PALM2AKAP2: variants seen among roughly 807,000 people sequenced by gnomAD.
PALM2AKAP2 encodes the protein PALM2 and AKAP2 fusion.
In PALM2AKAP2, 37 loss-of-function variants were observed where a neutral mutation model predicts 71.5. That is an observed-to-expected ratio of 0.52 (90% CI 0.40 to 0.68). The LOEUF is 0.68. Ranked by LOEUF, PALM2AKAP2 falls within the 30% of genes least tolerant of loss-of-function variation. The probability of loss-of-function intolerance (pLI) is 0.00; values close to 1 mark genes in which losing one functional copy is unlikely to be tolerated. For missense variants in PALM2AKAP2, 1,224 were observed against 1,191.8 expected (o/e 1.03, Z -0.40); for synonymous variants, 468 against 478.8 (o/e 0.98, Z 0.29).
chr9:109,943,950 G>A (rs539267477), intron 6 of PALM2AKAP2: 2 of 154,474 alleles, frequency 1.3e-5, no homozygotes, highest in African/African-American at 2.4e-5. Context: ...CCGATCTAGG[G>A]TGATGCTTTT....
At chr9:109,647,818 A>C (rs145486473) in intron 1 of PALM2AKAP2, among the ~76,000 whole-genome samples, 178 of 152,360 alleles carry the variant, frequency 1.2e-3, no homozygotes, top group African/African-American at 4.0e-3. Flanking sequence ...TTTAAAAGTG[A>C]TCAAGTGATT....
intron 1 of PALM2AKAP2, among the ~76,000 whole-genome samples, chr9:109,690,649 A>G (rs1206591989): frequency 6.6e-6 from 1 of 152,224 alleles, no homozygotes; most frequent in Non-Finnish European, 1.5e-5. Flanking sequence ...ATTCAAAGAT[A>G]ACATTAACCT....
At chr9:109,934,925 G>A (rs1293117625) in intron 6 of PALM2AKAP2, among the ~76,000 whole-genome samples, 1 of 152,150 alleles carries the variant, frequency 6.6e-6, no homozygotes, top group African/African-American at 2.4e-5. Flanking sequence ...TCTGTCCTTT[G>A]TAGATTTGCT....
chr9:110,083,308 C>T (rs1834489943), intron 1 of PALM2AKAP2, among the ~76,000 whole-genome samples: 1 of 152,008 alleles, frequency 6.6e-6, no homozygotes, highest in South Asian at 2.1e-4. Flanking sequence ...ACTTATTTCA[C>T]TTAGGGGAGT....
At chr9:109,887,407 G>A (rs967645956) in intron 3 of PALM2AKAP2, among the ~76,000 whole-genome samples, 1 of 152,148 alleles carries the variant, frequency 6.6e-6, no homozygotes. Flanking sequence ...CCCACCCCAC[G>A]TTCAGCCACA....
At position 110,137,056 on chromosome 9, in the gene PALM2AKAP2, A is replaced by G. The variant is rs748565464; in HGVS notation, c.1086A>G (p.Ala362=). 5.0e-5 allele frequency: 80 copies of G among 1,613,916 alleles called. No individual in the cohort carries two copies. In the East Asian group the frequency reaches 1.7e-3, roughly 35 times the overall value. The change falls in exon 2 of 4, where the codon GCA becomes GCG. Residue 362 remains alanine (A), a synonymous_variant. Transcript: ENST00000374525. ...ACAAGGAGCGCAAAGAGAGAAGGGC[A>G]CAGCAGGAACAGTTGCTGCTGCAGA...
chr9:109,761,135 A>G (rs1264438299), intron 1 of PALM2AKAP2, among the ~76,000 whole-genome samples: 1 of 152,228 alleles, frequency 6.6e-6, no homozygotes, highest in African/African-American at 2.4e-5. Context: ...TATTTGAATG[A>G]AAAACAGGCT....
At chr9:110,086,814 A>T (rs1366121160) in intron 1 of PALM2AKAP2, among the ~76,000 whole-genome samples, 3 of 152,110 alleles carry the variant, frequency 2.0e-5, no homozygotes, top group African/African-American at 7.2e-5. Flanking sequence ...GGTCATGAAG[A>T]TCATTACAAA....
chr9:109,879,669 C>T (rs1829802053), intron 2 of PALM2AKAP2, among the ~76,000 whole-genome samples: 2 of 150,838 alleles, frequency 1.3e-5, no homozygotes, highest in African/African-American at 4.9e-5. Flanking sequence ...TGTACTGTAT[C>T]GTAGTACACT....
At chr9:110,024,619 A>C (rs1385040674) in intron 7 of PALM2AKAP2, among the ~76,000 whole-genome samples, 2 of 152,134 alleles carry the variant, frequency 1.3e-5, no homozygotes, top group Non-Finnish European at 2.9e-5. Context: ...CTGTGTATCT[A>C]CAAAAAATAC....
chr9:109,653,422 A>G (rs973211396), intron 1 of PALM2AKAP2, among the ~76,000 whole-genome samples: 1 of 152,252 alleles, frequency 6.6e-6, no homozygotes, highest in Non-Finnish European at 1.5e-5. Context: ...CACTGCACCT[A>G]TGAGCCATCC....
intron 1 of PALM2AKAP2, among the ~76,000 whole-genome samples, chr9:109,667,689 A>T (rs1827508489): frequency 6.6e-6 from 1 of 152,110 alleles, no homozygotes. Context: ...GTTACTCAGG[A>T]GGCTGAGGTG....
chr9:109,982,034 T>A (rs985840617), intron 6 of PALM2AKAP2, among the ~76,000 whole-genome samples: 1 of 152,170 alleles, frequency 6.6e-6, no homozygotes, highest in Non-Finnish European at 1.5e-5. Context: ...ATAGCCGAGA[T>A]TTGGAAGCAA....
At chr9:109,764,688 G>A (rs1261295378) in intron 1 of PALM2AKAP2, among the ~76,000 whole-genome samples, 7 of 152,198 alleles carry the variant, frequency 4.6e-5, no homozygotes, top group Non-Finnish European at 1.0e-4. Flanking sequence ...AGTAGTGGAA[G>A]GTGTTGAATG....
At chr9:110,088,562 G>T (rs944545270) in intron 1 of PALM2AKAP2, among the ~76,000 whole-genome samples, 11 of 152,002 alleles carry the variant, frequency 7.2e-5, no homozygotes, top group African/African-American at 2.7e-4. Flanking sequence ...TTTTCCTTTT[G>T]ATTCAGTTCT....
At chr9:109,811,978 A>T (rs1218059410) in intron 1 of PALM2AKAP2, among the ~76,000 whole-genome samples, 1 of 152,256 alleles carries the variant, frequency 6.6e-6, no homozygotes, top group African/African-American at 2.4e-5. Context: ...GGGAGGCCAC[A>T]TGTGAACCAG....
At chr9:109,701,806 C>A (rs1032256649) in intron 1 of PALM2AKAP2, among the ~76,000 whole-genome samples, 1 of 152,154 alleles carries the variant, frequency 6.6e-6, no homozygotes, top group African/African-American at 2.4e-5. Context: ...AGTGAACAGT[C>A]AACCTACAGA....
intron 1 of PALM2AKAP2, among the ~76,000 whole-genome samples, chr9:110,097,736 G>A (rs896663271): frequency 2.1e-5 from 3 of 143,996 alleles, no homozygotes; most frequent in Non-Finnish European, 4.5e-5. Flanking sequence ...AGGCAGAGAC[G>A]CTCCTCACTT....
At chr9:109,790,732 A>T (rs942821237) in intron 1 of PALM2AKAP2, among the ~76,000 whole-genome samples, 1 of 152,322 alleles carries the variant, frequency 6.6e-6, no homozygotes, top group Non-Finnish European at 1.5e-5. Context: ...GTGTGACTTG[A>T]CATACATCTT....
Sources: gnomAD v4.1 joint callset for allele counts (sites outside exome capture counted in the v4.1 genomes callset) on GRCh38, gnomAD v4.1.1 for gene constraint, MANE v1.5 for transcripts, NCBI Gene and HGNC (gene_info 2026-07-23, HGNC 2026-07-21) for gene names.